CDH13: variants seen among roughly 807,000 people sequenced by gnomAD.
The protein encoded by CDH13 is cadherin-13.
CDH13 carries 24 observed loss-of-function variants against 63.8 expected under a neutral mutation model. The observed-to-expected ratio is 0.38, with a 90% CI of 0.27 to 0.53. The LOEUF (loss-of-function observed/expected upper bound fraction) is 0.53. Among genes scored for constraint, CDH13 ranks in the 20% least tolerant of loss-of-function variants. CDH13 has a pLI of 0.85. For missense variants in CDH13, 1,049 were observed against 903.1 expected (o/e 1.16, Z -2.07); for synonymous variants, 503 against 355.3 (o/e 1.42, Z -4.67).
At chr16:82,916,428 G>GC (rs1248743336) in intron 2 of CDH13, among the ~76,000 whole-genome samples, 1 of 152,084 alleles carries the variant, frequency 6.6e-6, no homozygotes, top group Non-Finnish European at 1.5e-5. Flanking sequence ...ACAAAAATTA[G>GC]CCGGGCATGG....
chr16:83,628,259 A>G (rs11862594), intron 8 of CDH13, among the ~76,000 whole-genome samples: 135,069 of 152,096 alleles, frequency 0.89, 59,980 homozygotes, highest in Middle Eastern at 0.96. Context: ...CTCTGACACT[A>G]CCATGCCAGG....
chr16:83,791,482 T>C (rs899135467), intron 13 of CDH13, among the ~76,000 whole-genome samples: 2 of 149,106 alleles, frequency 1.3e-5, no homozygotes, highest in Non-Finnish European at 3.0e-5. Context: ...TAGGACAGAG[T>C]GAGAATCCAT....
intron 6 of CDH13, among the ~76,000 whole-genome samples, chr16:83,446,027 T>C (rs890809660): frequency 1.4e-4 from 21 of 152,102 alleles, no homozygotes; most frequent in African/African-American, 5.1e-4. Context: ...GGTCAGGTGC[T>C]GTGGCTCAGG....
At chr16:83,499,430 T>C (rs1309958576) in intron 7 of CDH13, among the ~76,000 whole-genome samples, 1 of 152,242 alleles carries the variant, frequency 6.6e-6, no homozygotes, top group Admixed American at 6.5e-5. Context: ...TCTGGGTTGC[T>C]TGAGTCTGAA....
At chr16:83,367,630 A>G (rs2091283268) in intron 6 of CDH13, among the ~76,000 whole-genome samples, 1 of 152,144 alleles carries the variant, frequency 6.6e-6, no homozygotes, top group South Asian at 2.1e-4. Context: ...TGAGGGTTCT[A>G]ATTTCTCCAC....
chr16:82,995,233 C>T (rs1214060030), intron 2 of CDH13, among the ~76,000 whole-genome samples: 11 of 152,284 alleles, frequency 7.2e-5, no homozygotes, highest in East Asian at 1.9e-4. Flanking sequence ...TAGTGAATCT[C>T]GCTATAGTCA....
At chr16:83,112,527 A>C (rs1329747499) in intron 3 of CDH13, among the ~76,000 whole-genome samples, 1 of 152,232 alleles carries the variant, frequency 6.6e-6, no homozygotes, top group African/African-American at 2.4e-5. Flanking sequence ...AGTTAGAAGA[A>C]ATAGCCAAAA....
intron 1 of CDH13, among the ~76,000 whole-genome samples, chr16:82,837,100 C>T (rs1030284527): frequency 6.6e-6 from 1 of 152,156 alleles, no homozygotes; most frequent in Admixed American, 6.5e-5. Context: ...TATGCAAAAG[C>T]GTCCCTGTAT....
intron 10 of CDH13, among the ~76,000 whole-genome samples, chr16:83,707,836 C>CAAAAAAAAAAGAAAAAAAAAAAA (rs1907341655): frequency 1.3e-5 from 1 of 78,902 alleles, no homozygotes; most frequent in Non-Finnish European, 2.3e-5. Flanking sequence ...ACCCTAAAGG[C>CAAAAAAAAAAGAAAAAAAAAAAA]AAAAAAAAAA....
At chr16:82,942,568 C>T (rs961137832) in intron 2 of CDH13, among the ~76,000 whole-genome samples, 1 of 152,162 alleles carries the variant, frequency 6.6e-6, no homozygotes, top group Admixed American at 6.5e-5. Context: ...TGTGCGTCTG[C>T]ATTCTAGGGC....
intron 1 of CDH13, among the ~76,000 whole-genome samples, chr16:82,714,264 G>C (rs1233905790): frequency 2.0e-5 from 3 of 152,158 alleles, no homozygotes. Context: ...AGTCTATTAA[G>C]TATTGAATTG....
intron 5 of CDH13, among the ~76,000 whole-genome samples, chr16:83,337,751 A>G (rs2090631400): frequency 6.7e-6 from 1 of 150,314 alleles, no homozygotes; most frequent in Non-Finnish European, 1.5e-5. Context: ...ATGCTACATA[A>G]TATACAGACG....
intron 1 of CDH13, among the ~76,000 whole-genome samples, chr16:82,684,968 T>C (rs1452215162): frequency 7.7e-6 from 1 of 129,948 alleles, no homozygotes; most frequent in Non-Finnish European, 1.7e-5. Context: ...TAATGTGTAG[T>C]ATTCTTGGAG....
intron 1 of CDH13, among the ~76,000 whole-genome samples, chr16:82,672,629 C>G (rs189894574): frequency 6.6e-6 from 1 of 152,096 alleles, no homozygotes; most frequent in Admixed American, 6.5e-5. Context: ...GTCACCAACT[C>G]CTATTATTTC....
intron 4 of CDH13, among the ~76,000 whole-genome samples, chr16:83,166,247 A>G (rs137939096): frequency 2.0e-5 from 3 of 152,212 alleles, no homozygotes; most frequent in Admixed American, 1.3e-4. Flanking sequence ...CTCTGGTACA[A>G]TTGAGGTATG....
chr16:82,734,927 TG>T (rs1223226180), intron 1 of CDH13, among the ~76,000 whole-genome samples: 2 of 152,052 alleles, frequency 1.3e-5, no homozygotes, highest in Non-Finnish European at 2.9e-5. Flanking sequence ...AGTAGGATCT[TG>T]GGGGCACATC....
chr16:83,405,417 G>C (rs566526826), intron 6 of CDH13, among the ~76,000 whole-genome samples: 11 of 152,312 alleles, frequency 7.2e-5, no homozygotes, highest in African/African-American at 2.6e-4. Context: ...CCTTATAAGA[G>C]GCTCACCAGT....
chr16:82,879,808 A>G (rs1230377868), intron 2 of CDH13, among the ~76,000 whole-genome samples: 1 of 133,342 alleles, frequency 7.5e-6, no homozygotes, highest in African/African-American at 2.7e-5. Context: ...AATATATATT[A>G]TATAATTTAT....
rs377742725 is a variant in CDH13, at chr16:83,084,629, C to A, written c.367-40756C>A. Among the ~76,000 whole-genome samples, 66 of 152,316 alleles carry A rather than the reference C, an allele frequency of 4.3e-4. No individual in the cohort carries two copies. In the South Asian group the frequency reaches 0.014, roughly 32 times the overall value. ...AGTACCCAGGTGCAGTGGCTCATGC[C>A]TGTAATCCCAACACATCCGGAGGCT... On this transcript the variant is annotated intron_variant, in intron 3 of 13. Transcript: ENST00000567109.
Sources: gnomAD v4.1 joint callset for allele counts (sites outside exome capture counted in the v4.1 genomes callset) on GRCh38, gnomAD v4.1.1 for gene constraint, MANE v1.5 for transcripts, NCBI Gene and HGNC (gene_info 2026-07-23, HGNC 2026-07-21) for gene names.